GMDS: variants seen among roughly 807,000 people sequenced by gnomAD.
The protein encoded by GMDS is GDP-mannose 4,6 dehydratase.
In GMDS, 20 loss-of-function variants were observed where a neutral mutation model predicts 49.9. The observed-to-expected ratio is 0.40, with a 90% CI of 0.28 to 0.58. The LOEUF (loss-of-function observed/expected upper bound fraction) is 0.58, where lower values mean the gene tolerates loss of function less well. GMDS is among the 20% of genes least tolerant of loss of function. The probability of loss-of-function intolerance (pLI) is 0.42; values close to 1 mark genes in which losing one functional copy is unlikely to be tolerated. For missense variants in GMDS, 362 were observed against 481.4 expected (o/e 0.75, Z 2.32); for synonymous variants, 177 against 178.6 (o/e 0.99, Z 0.07).
intron 7 of GMDS, among the ~76,000 whole-genome samples, chr6:1,771,601 C>T (rs1202408719): frequency 6.6e-6 from 1 of 152,122 alleles, no homozygotes; most frequent in Non-Finnish European, 1.5e-5. Context: ...CTACACAGCA[C>T]TGTCTGTTTT....
In GMDS at chr6:1,907,317, C is replaced by T. The variant is rs186813294; in HGVS notation, c.771+22786G>A. On this transcript the variant is annotated intron_variant, in intron 7 of 10. Coordinates refer to ENST00000380815, the MANE Select transcript of GMDS (RefSeq NM_001500.4). ...GGGTTTCAGCAAATCAAGCACCCCA[C>T]GGTCCCATGTACTGATTTTCAAAGC... is the stretch of plus-strand genomic sequence containing the variant. 2.4e-3 allele frequency among the ~76,000 whole-genome samples: 363 copies of T among 152,248 alleles called. 1 individual carries two copies. The highest frequency in any genetic ancestry group is 4.1e-3 in the Admixed American group (62 of 15,300).
At chr6:1,849,547 G>C (rs534324446) in intron 7 of GMDS, among the ~76,000 whole-genome samples, 1 of 152,204 alleles carries the variant, frequency 6.6e-6, no homozygotes, top group Non-Finnish European at 1.5e-5. Context: ...GCTAATAAAC[G>C]CAAAAATGTG....
intron 9 of GMDS, among the ~76,000 whole-genome samples, chr6:1,708,979 C>G (rs527258303): frequency 6.6e-6 from 1 of 152,310 alleles, no homozygotes; most frequent in East Asian, 1.9e-4. Flanking sequence ...GCCTTCATAC[C>G]TGGTGCCTGT....
chr6:2,136,121 G>T (rs1356415286), intron 1 of GMDS, among the ~76,000 whole-genome samples: 1 of 152,128 alleles, frequency 6.6e-6, no homozygotes, highest in Non-Finnish European at 1.5e-5. Context: ...AAGGTACAGT[G>T]AAAATATGGT....
At chr6:1,935,913 A>C (rs1762504826) in intron 6 of GMDS, among the ~76,000 whole-genome samples, 1 of 152,174 alleles carries the variant, frequency 6.6e-6, no homozygotes, top group Admixed American at 6.5e-5. Flanking sequence ...TGAGCCTCAA[A>C]GAAATGAAAG....
chr6:1,959,681 C>T (rs1028317320), intron 6 of GMDS, 186 bp downstream of exon 6: 1 of 394,868 alleles, frequency 2.5e-6, no homozygotes, highest in Non-Finnish European at 4.5e-6. Context: ...ATCCCACAAA[C>T]TCAAAATAAA....
At chr6:1,817,579 T>C (rs772911776) in intron 7 of GMDS, among the ~76,000 whole-genome samples, 4 of 152,220 alleles carry the variant, frequency 2.6e-5, no homozygotes, top group Non-Finnish European at 5.9e-5. Flanking sequence ...CTTTATAACA[T>C]GGGTCACTGA....
At chr6:1,975,824 C>A (rs1397401811) in intron 4 of GMDS, among the ~76,000 whole-genome samples, 1 of 152,136 alleles carries the variant, frequency 6.6e-6, no homozygotes. Flanking sequence ...CCTAAAGACA[C>A]CAGGCTTTGG....
intron 6 of GMDS, among the ~76,000 whole-genome samples, chr6:1,944,562 C>T (rs544256942): frequency 2.7e-5 from 4 of 150,158 alleles, no homozygotes; most frequent in Non-Finnish European, 4.4e-5. Context: ...CCCAGCTACT[C>T]GGGAGGCTGA....
In GMDS at chr6:2,237,518, C is replaced by CTT. The variant is rs397885506; in HGVS notation, c.102+7801_102+7802dup. 1.5e-3 allele frequency among the ~76,000 whole-genome samples: 184 copies of CTT among 125,802 alleles called. 1 individual carries two copies. Among genetic ancestry groups the CTT allele is most frequent in the East Asian group, 3.9e-3 (17 of 4,396 alleles). The allele number at this position is 125,802 out of a possible 152,430, so 82.5% of individuals were successfully genotyped here. ...TTGTAAATTGGAAGTTTGGAAGTAC[C>CTT]TTTTTTTTTTTTTTTTTTTTTGAGA... On this transcript the variant is annotated intron_variant, in intron 1 of 10. Transcript: ENST00000380815.
intron 7 of GMDS, among the ~76,000 whole-genome samples, chr6:1,797,930 T>C (rs1037195121): frequency 3.9e-5 from 6 of 152,260 alleles, no homozygotes; most frequent in African/African-American, 1.4e-4. Context: ...GACACTTTGA[T>C]GTCTCTGTTT....
chr6:2,141,855 G>A (rs554147997), intron 1 of GMDS, among the ~76,000 whole-genome samples: 1 of 129,518 alleles, frequency 7.7e-6, no homozygotes, highest in Non-Finnish European at 1.6e-5. Context: ...GTTTGGTTTT[G>A]GTTGTGCGTG....
intron 9 of GMDS, among the ~76,000 whole-genome samples, chr6:1,691,278 A>G (rs549547925): frequency 4.2e-4 from 63 of 151,560 alleles, no homozygotes; most frequent in African/African-American, 1.5e-3. Flanking sequence ...CAAACACCAC[A>G]TGTTCTCACT....
rs1264222779 is a variant in GMDS at position 1,801,812 on chromosome 6, T to C, written c.772-59226A>G. Among the ~76,000 whole-genome samples, 3 of 152,352 alleles carry C rather than the reference T, an allele frequency of 2.0e-5. 1 individual carries two copies. The highest frequency in any genetic ancestry group is 1.3e-4 in the Admixed American group (2 of 15,310). The stretch of plus-strand genomic sequence containing the variant: ...AAGTTGGAATTCTGTCCACTTGCTA[T>C]ACTGTTCAACTTTATCAGCTTTCAT... On this transcript the variant is annotated intron_variant, in intron 7 of 10. Transcript: ENST00000380815.
intron 7 of GMDS, among the ~76,000 whole-genome samples, chr6:1,768,834 A>T (rs1375611704): frequency 6.6e-6 from 1 of 152,230 alleles, no homozygotes; most frequent in East Asian, 1.9e-4. Flanking sequence ...CATAATTTGT[A>T]AAAACTGGCA....
intron 9 of GMDS, among the ~76,000 whole-genome samples, chr6:1,690,455 A>G (rs572753980): frequency 2.6e-5 from 4 of 152,172 alleles, no homozygotes; most frequent in Non-Finnish European, 4.4e-5. Flanking sequence ...CAGTTCTCCC[A>G]ATACTTTATG....
chr6:2,207,808 A>T (rs878881408), intron 1 of GMDS, among the ~76,000 whole-genome samples: 6 of 151,958 alleles, frequency 3.9e-5, no homozygotes, highest in Admixed American at 2.0e-4. Flanking sequence ...GGAAGACTGT[A>T]AGGTTAACAT....
intron 1 of GMDS, among the ~76,000 whole-genome samples, chr6:2,227,343 A>G (rs1581826800): frequency 6.6e-6 from 1 of 152,148 alleles, no homozygotes; most frequent in Non-Finnish European, 1.5e-5. Context: ...CCCTAAGCCC[A>G]CTGAACTGCA....
chr6:2,110,104 C>T (rs995107087), intron 4 of GMDS, among the ~76,000 whole-genome samples: 9 of 152,138 alleles, frequency 5.9e-5, no homozygotes, highest in Non-Finnish European at 1.3e-4. Context: ...TAAAGGGCCA[C>T]GCTGTTGCAA....
Sources: gnomAD v4.1 joint callset for allele counts (sites outside exome capture counted in the v4.1 genomes callset) on GRCh38, gnomAD v4.1.1 for gene constraint, MANE v1.5 for transcripts, NCBI Gene and HGNC (gene_info 2026-07-23, HGNC 2026-07-21) for gene names.